GPHN: variants seen among roughly 807,000 people sequenced by gnomAD.
GPHN encodes gephyrin.
A neutral mutation model predicts 95.5 loss-of-function variants in GPHN; 17 were observed. That is an observed-to-expected ratio of 0.18 (90% CI 0.12 to 0.27). GPHN has a LOEUF of 0.27. Ranked by LOEUF, GPHN falls within the 10% of genes least tolerant of loss-of-function variation. The pLI is 1.00. For synonymous variants in GPHN, 320 were observed against 322.5 expected, an observed-to-expected ratio of 0.99 and a Z score of 0.08; for missense variants, 660 against 978.1, an observed-to-expected ratio of 0.67 and a Z score of 4.34.
intron 1 of GPHN, among the ~76,000 whole-genome samples, chr14:66,541,743 C>T (rs1176612590): frequency 6.6e-6 from 1 of 152,164 alleles, no homozygotes; most frequent in African/African-American, 2.4e-5. Flanking sequence ...AATAGTTTAA[C>T]TTTTAGTTTT....
chr14:66,989,087 AAG>A (rs2071217965), intron 9 of GPHN, among the ~76,000 whole-genome samples: 8 of 152,068 alleles, frequency 5.3e-5, no homozygotes, highest in Admixed American at 5.2e-4. Flanking sequence ...TTTTATTAAT[AAG>A]TTGTTAATTC....
At chr14:66,804,577 G>A (rs1408962280) in intron 3 of GPHN, among the ~76,000 whole-genome samples, 1 of 152,104 alleles carries the variant, frequency 6.6e-6, no homozygotes, top group East Asian at 1.9e-4. Flanking sequence ...GAGGTTTCTG[G>A]CTAATTCTTC....
rs780256422 is a variant in GPHN, at chr14:67,122,277, C to T, written c.1648C>T (p.Leu550Phe). The change falls in exon 17 of 23, where the codon CTC (leucine) becomes TTC (phenylalanine). Residue 550 changes from leucine to phenylalanine, a missense_variant. By Grantham distance (22) the Leu-to-Phe change is conservative (BLOSUM62 0). This residue lies in a region of GPHN where 257 missense variants were observed against 376.2 expected (regional missense o/e 0.68). Transcript: ENST00000478722. ...GTAGCTGCTAAATCCTGAAGATGAC[C>T]TCTTACCAGGGAAGATTCGAGACAG... The part of the protein sequence containing the change: ...GNELLNPEDD[L>F]LPGKIRDSNR... 1 of 1,613,318 alleles carries T rather than the reference C, an allele frequency of 6.2e-7. No individual in the cohort carries two copies.
the GPHN span, among the ~76,000 whole-genome samples, chr14:67,192,931 G>GATATCTAGATAAATATCTCTAT: frequency 7.0e-6 from 1 of 142,796 alleles, no homozygotes; most frequent in Non-Finnish European, 1.5e-5. Flanking sequence ...TGTATATATA[G>GATATCTAGATAAATATCTCTAT]ATATCTAGAT....
chr14:66,924,356 G>A (rs1043199369), intron 8 of GPHN, 64 bp downstream of exon 8: 1 of 883,766 alleles, frequency 1.1e-6, no homozygotes, highest in Non-Finnish European at 1.9e-6. Flanking sequence ...TCTCCTTGGA[G>A]ATAGGCTGTA....
chr14:66,815,302 C>G (rs188398439), intron 3 of GPHN, among the ~76,000 whole-genome samples: 1 of 152,140 alleles, frequency 6.6e-6, no homozygotes, highest in Non-Finnish European at 1.5e-5. Context: ...CATTCAAATT[C>G]AGGAAATGCA....
chr14:67,022,920 T>C (rs1567223163), intron 9 of GPHN, among the ~76,000 whole-genome samples: 1 of 152,068 alleles, frequency 6.6e-6, no homozygotes. Flanking sequence ...TTTAAAAGAA[T>C]GTTTCACATT....
the GPHN span, among the ~76,000 whole-genome samples, chr14:67,699,693 A>G: frequency 0.45 from 67,438 of 150,790 alleles, 17,651 homozygotes; most frequent in Non-Finnish European, 0.61. Flanking sequence ...TAAAGTGATC[A>G]AAACACAGTA....
intron 9 of GPHN, among the ~76,000 whole-genome samples, chr14:67,011,404 C>T (rs1302913794): frequency 1.3e-5 from 2 of 148,936 alleles, no homozygotes; most frequent in Non-Finnish European, 3.0e-5. Flanking sequence ...GTGACCCCAC[C>T]TCTACAAAAA....
chr14:66,977,096 C>T (rs112724719), intron 9 of GPHN, among the ~76,000 whole-genome samples: 1 of 152,130 alleles, frequency 6.6e-6, no homozygotes, highest in Non-Finnish European at 1.5e-5. Flanking sequence ...ATTCGTATAA[C>T]CTTTCATACA....
intron 3 of GPHN, among the ~76,000 whole-genome samples, chr14:66,823,900 G>T (rs1265081726): frequency 1.3e-5 from 2 of 152,148 alleles, no homozygotes; most frequent in East Asian, 1.9e-4. Flanking sequence ...AATTTAATGA[G>T]CACTTAATTG....
chr14:67,609,397 C>T, the GPHN span, among the ~76,000 whole-genome samples: 23 of 152,110 alleles, frequency 1.5e-4, no homozygotes, highest in Non-Finnish European at 2.4e-4. Context: ...TGGGGTGCAC[C>T]GCCTTCCCTG....
the GPHN span, among the ~76,000 whole-genome samples, chr14:67,513,452 G>A: frequency 6.6e-6 from 1 of 152,160 alleles, no homozygotes; most frequent in African/African-American, 2.4e-5. Flanking sequence ...ATTGGTCCTG[G>A]AACCTCCGTT....
chr14:67,665,438 A>AC, the GPHN span, among the ~76,000 whole-genome samples: 1 of 147,786 alleles, frequency 6.8e-6, no homozygotes. Flanking sequence ...CACACAGCTA[A>AC]TTTTTTTTTT....
the GPHN span, among the ~76,000 whole-genome samples, chr14:67,522,794 C>CA: frequency 7.2e-5 from 11 of 152,146 alleles, no homozygotes; most frequent in Non-Finnish European, 1.5e-4. Flanking sequence ...CACTGCCTTG[C>CA]AGAGGGTGGG....
At chr14:66,800,715 A>G (rs1357489342) in intron 3 of GPHN, among the ~76,000 whole-genome samples, 1 of 152,156 alleles carries the variant, frequency 6.6e-6, no homozygotes, top group East Asian at 1.9e-4. Flanking sequence ...CCACTCTTCT[A>G]CAATGGCTAT....
intron 2 of GPHN, among the ~76,000 whole-genome samples, chr14:66,705,291 G>A (rs1278812923): frequency 6.2e-5 from 6 of 96,448 alleles, no homozygotes; most frequent in African/African-American, 3.3e-4. Context: ...TTGAAAAGGA[G>A]GGACTCCTCC....
chr14:67,293,956 A>C, the GPHN span, among the ~76,000 whole-genome samples: 2 of 152,174 alleles, frequency 1.3e-5, no homozygotes, highest in Non-Finnish European at 2.9e-5. Flanking sequence ...CACAATAGAA[A>C]GGTGGAAAGA....
At chr14:66,948,081 A>G (rs2067866979) in intron 8 of GPHN, among the ~76,000 whole-genome samples, 1 of 152,210 alleles carries the variant, frequency 6.6e-6, no homozygotes, top group Admixed American at 6.5e-5. Flanking sequence ...TGCTAACCAT[A>G]AAACATTCTT....
Sources: allele counts gnomAD v4.1 joint callset (sites outside exome capture counted in the v4.1 genomes callset), GRCh38; gene constraint gnomAD v4.1.1; regional missense constraint gnomAD v4.1.1; transcripts MANE v1.5; gene names NCBI Gene and HGNC (gene_info 2026-07-23, HGNC 2026-07-21).